SLC2A9: variants seen among roughly 807,000 people sequenced by gnomAD.
SLC2A9 encodes solute carrier family 2, facilitated glucose transporter member 9.
Under a neutral mutation model 50.6 loss-of-function variants are expected in SLC2A9, and 39 were observed. The ratio of observed to expected loss-of-function variants is 0.77; its 90% confidence interval spans 0.60 to 1.01. The LOEUF (loss-of-function observed/expected upper bound fraction) is 1.01, where lower values mean the gene tolerates loss of function less well. Ranked by LOEUF, SLC2A9 falls within the 50% of genes least tolerant of loss-of-function variation. The pLI, the probability that SLC2A9 is intolerant of heterozygous loss-of-function variation, is 0.00. For synonymous variants in SLC2A9, 324 were observed against 276.9 expected (o/e 1.17, Z -1.69); for missense variants, 686 against 677.6 (o/e 1.01, Z -0.14).
At chr4:9,980,781 G>A (rs771902804) in intron 4 of SLC2A9, 44 bp from the exon 5 acceptor site, 32 of 1,613,348 alleles carry the variant, frequency 2.0e-5, no homozygotes, top group Middle Eastern at 3.3e-4. Flanking sequence ...GTGTCTTCCC[G>A]GGGGAGCTGC....
chr4:9,974,221 GAA>G (rs959167570), intron 5 of SLC2A9, among the ~76,000 whole-genome samples: 8 of 152,168 alleles, frequency 5.3e-5, no homozygotes, highest in African/African-American at 1.9e-4. Context: ...CTTGAGAACT[GAA>G]ACAAGACAAG....
downstream of SLC2A9, among the ~76,000 whole-genome samples, chr4:9,824,077 G>A (rs1347133231): frequency 1.3e-5 from 2 of 152,206 alleles, no homozygotes; most frequent in Non-Finnish European, 2.9e-5. Context: ...TTAAAAGGTA[G>A]TTGGGTCATG....
chr4:9,807,567 C>T (rs1301467719), intron 3 of SLC2A9, among the ~76,000 whole-genome samples: 3 of 152,080 alleles, frequency 2.0e-5, no homozygotes, highest in Non-Finnish European at 2.9e-5. Flanking sequence ...TTTGCATTTC[C>T]AGTGCATAGC....
chr4:9,922,803 C>A (rs1010741520), intron 6 of SLC2A9: 4 of 152,516 alleles, frequency 2.6e-5, no homozygotes, highest in Middle Eastern at 3.4e-3. Flanking sequence ...GCTCTCCTAA[C>A]TCGTTCTCAG....
At chr4:9,985,558 T>C (rs1367330962) in intron 4 of SLC2A9, 111 bp downstream of exon 4, 2 of 1,454,348 alleles carry the variant, frequency 1.4e-6, no homozygotes, top group African/African-American at 1.4e-5. Context: ...CCCTGCCAAG[T>C]CAATGCCAGC....
intron 10 of SLC2A9, among the ~76,000 whole-genome samples, chr4:9,855,911 G>A (rs1730647658): frequency 6.6e-6 from 1 of 152,176 alleles, no homozygotes; most frequent in Non-Finnish European, 1.5e-5. Context: ...GGAACTATAT[G>A]CAGAAGACTG....
chr4:9,923,198 T>C (rs1744249021), intron 6 of SLC2A9, among the ~76,000 whole-genome samples: 2 of 152,140 alleles, frequency 1.3e-5, no homozygotes, highest in African/African-American at 2.4e-5. Flanking sequence ...GGCAGAAGGA[T>C]GGAAAGTTGT....
intron 3 of SLC2A9, chr4:9,783,290 G>C: frequency 6.2e-7 from 1 of 1,614,184 alleles, no homozygotes; most frequent in Non-Finnish European, 8.5e-7. Flanking sequence ...CGTTACCCCC[G>C]GCAACCGGGA....
chr4:10,033,460 T>C (rs1176030522), intron 1 of SLC2A9, among the ~76,000 whole-genome samples: 2 of 152,180 alleles, frequency 1.3e-5, no homozygotes, highest in African/African-American at 4.8e-5. Context: ...TCTTGCCTTT[T>C]CCAAGAAATC....
chr4:9,990,040 T>C (rs887620641), intron 3 of SLC2A9, among the ~76,000 whole-genome samples: 1 of 152,132 alleles, frequency 6.6e-6, no homozygotes, highest in Non-Finnish European at 1.5e-5. Context: ...TTTTCTACAT[T>C]GGTCCTTGTC....
chr4:9,777,626 A>C (rs1251347515), downstream of SLC2A9, among the ~76,000 whole-genome samples: 1 of 152,238 alleles, frequency 6.6e-6, no homozygotes, highest in African/African-American at 2.4e-5. Context: ...TGTTGGGCAC[A>C]GAATCCCCTT....
At chr4:9,838,585 T>C (rs1184562432) in intron 10 of SLC2A9, among the ~76,000 whole-genome samples, 3 of 152,104 alleles carry the variant, frequency 2.0e-5, no homozygotes, top group Non-Finnish European at 4.4e-5. Flanking sequence ...GGGGGCATCA[T>C]ACTACCTGAC....
At chr4:9,876,417 ACT>A (rs961435094) in intron 10 of SLC2A9, among the ~76,000 whole-genome samples, 9 of 152,100 alleles carry the variant, frequency 5.9e-5, no homozygotes, top group African/African-American at 1.7e-4. Flanking sequence ...ACATAGCAAG[ACT>A]CTATCCCCAC....
At chr4:9,786,697 G>A (rs1719261863) in intron 3 of SLC2A9, among the ~76,000 whole-genome samples, 1 of 152,180 alleles carries the variant, frequency 6.6e-6, no homozygotes, top group African/African-American at 2.4e-5. Flanking sequence ...AGAGGACCTT[G>A]AGGACAAGGT....
chr4:10,018,915 C>T (rs959777128), intron 2 of SLC2A9, 60 bp downstream of exon 2: 2 of 1,504,542 alleles, frequency 1.3e-6, no homozygotes, highest in Non-Finnish European at 1.8e-6. Context: ...AGGGCCCTTG[C>T]GCACCCGAAG....
At chr4:9,933,345 C>A (rs1203994187) in intron 6 of SLC2A9, among the ~76,000 whole-genome samples, 2 of 152,184 alleles carry the variant, frequency 1.3e-5, no homozygotes, top group Non-Finnish European at 1.5e-5. Context: ...AGTGGCTGAG[C>A]TGGGACTGAG....
intron 1 of SLC2A9, among the ~76,000 whole-genome samples, chr4:10,033,984 C>A (rs78507984): frequency 6.6e-6 from 1 of 152,132 alleles, no homozygotes. Context: ...ACTCTGTCCC[C>A]GGGGATGTTT....
chr4:10,003,922 C>A (rs1760313287), intron 2 of SLC2A9, among the ~76,000 whole-genome samples: 1 of 152,186 alleles, frequency 6.6e-6, no homozygotes, highest in Non-Finnish European at 1.5e-5. Flanking sequence ...CACAAGGGTA[C>A]TATTTGTTAC....
Position 9,996,904 on chromosome 4 carries a change from C to G in SLC2A9, c.287G>C (p.Arg96Thr), listed in dbSNP as rs1299595181. The change falls in exon 3 of 12, where the codon AGG (arginine) becomes ACG (threonine). Residue 96 changes from arginine to threonine, a missense_variant. By Grantham distance (71) the Arg-to-Thr change is moderately conservative. Transcript: ENST00000264784. ...KAFYNESWER[R>T]HGRPIDPDTL... ...GTCTGGGTCTATTGGACGTCCATGC[C>G]TTCTTTCCCATGACTCATTGTAAAA... 3 of 1,614,154 alleles carry G rather than the reference C, an allele frequency of 1.9e-6. No individual in the cohort carries two copies. Among genetic ancestry groups the G allele is most frequent in the Admixed American group, 3.3e-5 (2 of 60,028 alleles).
Sources: allele counts gnomAD v4.1 joint callset (sites outside exome capture counted in the v4.1 genomes callset), GRCh38; gene constraint gnomAD v4.1.1; transcripts MANE v1.5; gene names NCBI Gene and HGNC (gene_info 2026-07-23, HGNC 2026-07-21).